CAMSAP3: variants seen among roughly 807,000 people sequenced by gnomAD.
CAMSAP3 encodes calmodulin-regulated spectrin-associated protein 3.
CAMSAP3 carries 34 observed loss-of-function variants against 112.5 expected under a neutral mutation model. That is an observed-to-expected ratio of 0.30 (90% CI 0.23 to 0.40). The LOEUF is 0.40. Ranked by LOEUF, CAMSAP3 falls within the 10% of genes least tolerant of loss-of-function variation. The pLI, the probability that CAMSAP3 is intolerant of heterozygous loss-of-function variation, is 1.00. For missense variants in CAMSAP3, 1,602 were observed against 1,770.3 expected, an observed-to-expected ratio of 0.90 and a Z score of 1.71; for synonymous variants, 868 against 799.8, an observed-to-expected ratio of 1.09 and a Z score of -1.44.
At chr19:7,608,013 C>T in intron 4 of CAMSAP3, 113 bp from the exon 5 acceptor site, 1 of 1,352,616 alleles carries the variant, frequency 7.4e-7, no homozygotes, top group Non-Finnish European at 1.0e-6. Flanking sequence ...CTCTGGGACC[C>T]CCAGCTTCCC....
chr19:7,616,883 T>C (rs1302621711), intron 14 of CAMSAP3, among the ~76,000 whole-genome samples: 2 of 149,244 alleles, frequency 1.3e-5, no homozygotes, highest in East Asian at 2.0e-4. Flanking sequence ...CTGCATGGAC[T>C]TGGGAGGGTG....
chr19:7,618,074 C>T lies in CAMSAP3; in HGVS notation c.*17C>T. On this transcript the variant is annotated 3_prime_UTR_variant, in exon 17 of 17. Transcript: ENST00000160298. ...CCCAAATAGCCCCACCCGGGCGGTCCACGGGCCGGGCCCTGTGTGCTGCGG... is the reference window on the plus strand; with the variant it reads ...CCCAAATAGCCCCACCCGGGCGGTCTACGGGCCGGGCCCTGTGTGCTGCGG... 1 of 1,603,998 alleles carries T rather than the reference C, an allele frequency of 6.2e-7. No homozygotes were observed. Among genetic ancestry groups the T allele is most frequent in the Non-Finnish European group, 8.5e-7 (1 of 1,175,974 alleles).
In CAMSAP3 at chr19:7,612,994, C is replaced by G. The variant is rs751015364; in HGVS notation, c.2501C>G (p.Pro834Arg). The change falls in exon 11 of 17, where the codon CCC becomes CGC. Residue 834 changes from proline (P) to arginine (R), a missense_variant. Transcript: ENST00000160298. The part of the protein sequence containing the change: ...SSILLAEETP[P>R]EEPAARPGLI... ...ATCCTCCTGGCGGAGGAGACGCCCC[C>G]CGAGGAGCCAGCCGCCCGGCCGGGC... The G allele has an allele frequency of 2.0e-5, 32 of 1,580,840 alleles. No homozygotes were observed. In the South Asian group the frequency reaches 2.2e-4, roughly 11 times the overall value.
Position 7,611,671 on chromosome 19 carries a change from C to A in CAMSAP3, c.1194-16C>A. The A allele has an allele frequency of 6.4e-7, 1 of 1,567,096 alleles. No individual in the cohort carries two copies. The highest frequency in any genetic ancestry group is 8.7e-7 in the Non-Finnish European group (1 of 1,153,342). On this transcript the variant is annotated splice_polypyrimidine_tract_variant and intron_variant, in intron 10 of 16. Coordinates refer to ENST00000160298, the MANE Select transcript of CAMSAP3 (RefSeq NM_020902.2). The surrounding 1 kb of genome is among the most constrained non-coding windows in gnomAD (Gnocchi z 6.9). ...AGGCTGGTCCCAGGGGCTGACCCCT[C>A]CCTCCGGCCGCCCAGCCGTCCCCTC...
intron 4 of CAMSAP3, 147 bp downstream of exon 4, chr19:7,606,718 G>A: frequency 4.3e-6 from 7 of 1,610,066 alleles, no homozygotes; most frequent in Non-Finnish European, 5.1e-6. Flanking sequence ...ATCTCTCTGT[G>A]CCCTGCCCGT....
At position 7,610,471 on chromosome 19, in the gene CAMSAP3, C is replaced by T. The variant is rs1391477596; in HGVS notation, c.761-5C>T. The T allele has an allele frequency of 4.4e-6, 7 of 1,608,318 alleles. No individual in the cohort carries two copies. Among genetic ancestry groups the T allele is most frequent in the African/African-American group, 2.7e-5 (2 of 74,900 alleles). ...GTTGGGGACCCACTCCTCCTGTCCC[C>T]ACAGAGGTGTGCTTGAAGGACCCCA... On this transcript the variant is annotated splice_polypyrimidine_tract_variant and splice_region_variant and intron_variant, in intron 5 of 16. Coordinates refer to ENST00000160298, the MANE Select transcript of CAMSAP3 (RefSeq NM_020902.2). This position sits in a 1 kb window ranked among gnomAD's most constrained non-coding sequence, Gnocchi z 4.9.
In CAMSAP3 at chr19:7,605,298, T is replaced by C; in HGVS notation, c.221T>C (p.Val74Ala). The C allele has an allele frequency of 1.2e-6, 2 of 1,610,848 alleles. No homozygotes were observed. Among genetic ancestry groups the C allele is most frequent in the Non-Finnish European group, 1.7e-6 (2 of 1,178,746 alleles). Reference protein sequence around the residue: ...QYAQEHVKPPVTRLLLSAELY... With the variant: ...QYAQEHVKPPATRLLLSAELY... ...GCGCAGGAGCATGTGAAGCCCCCGG[T>C]GACACGGCTGCTGCTCTCAGCCGAG... Residue 74 changes from valine to alanine, a missense_variant, in exon 2 of 17, where the codon GTG becomes GCG. Val to Ala is a moderately conservative substitution (Grantham distance 64). This residue lies in a region of CAMSAP3 where 147 missense variants were observed against 144.6 expected (regional missense o/e 1.02). Transcript: ENST00000160298.
chr19:7,603,325 C>T (rs2030054853), intron 1 of CAMSAP3, among the ~76,000 whole-genome samples: 3 of 151,894 alleles, frequency 2.0e-5, no homozygotes, highest in Admixed American at 1.3e-4. Flanking sequence ...AGCGATTCTC[C>T]GGCCTCGGCT....
At position 7,605,511 on chromosome 19, in the gene CAMSAP3, C is replaced by G. The variant is rs556813445; in HGVS notation, c.402+32C>G. The G allele has an allele frequency of 6.9e-6, 10 of 1,438,924 alleles. No homozygotes were observed. In the African/African-American group the frequency reaches 1.2e-4, roughly 17 times the overall value. The allele number at this position is 1,438,924 out of a possible 1,614,324, so 89.1% of individuals were successfully genotyped here. On this transcript the variant is annotated intron_variant, in intron 2 of 16. Transcript: ENST00000160298. The stretch of plus-strand genomic sequence containing the variant: ...CCCGCCACTGCCTGTTAGACCACGC[C>G]TACCATGCTCAGCTCCTCCCCTCAA...
rs1297668206 is a variant in CAMSAP3 at position 7,615,754 on chromosome 19, C to T, written c.3112+35C>T. ...CTTGGGGGACGGGGCCTGCCCAGTG[C>T]CCTTTCCGGGGCTCACTGGGTGAGG... is the stretch of plus-strand genomic sequence containing the variant. On this transcript the variant is annotated intron_variant, in intron 13 of 16. Transcript: ENST00000160298. The surrounding 1 kb of genome is among the most constrained non-coding windows in gnomAD (Gnocchi z 6.5). 1 of 1,349,812 alleles carries T rather than the reference C, an allele frequency of 7.4e-7. No homozygotes were observed. The highest frequency in any genetic ancestry group is 1.5e-5 in the African/African-American group (1 of 64,694). The allele number at this position is 1,349,812 out of a possible 1,614,324, so 83.6% of individuals were successfully genotyped here.
chr19:7,616,449 C>A (rs541051852), intron 13 of CAMSAP3, 74 bp from the exon 14 acceptor site: 3 of 1,085,468 alleles, frequency 2.8e-6, no homozygotes, highest in Non-Finnish European at 2.8e-6. Context: ...GTGTTCCCCC[C>A]ACAGCCTGCT....
chr19:7,606,826 GT>G (rs1346993872), intron 4 of CAMSAP3: 1 of 1,613,536 alleles, frequency 6.2e-7, no homozygotes, highest in Admixed American at 1.7e-5. Context: ...GGGGCTGTCT[GT>G]CCGCCCCGTC....
At chr19:7,598,701 T>C (rs891452851) in intron 1 of CAMSAP3, among the ~76,000 whole-genome samples, 1 of 151,984 alleles carries the variant, frequency 6.6e-6, no homozygotes, top group African/African-American at 2.4e-5. Flanking sequence ...GGCAGGAGAA[T>C]TGTTGAACCT....
chr19:7,615,101 G>C lies in CAMSAP3; in HGVS notation c.2671-82G>C, dbSNP rs965863397. The C allele has an allele frequency of 1.3e-6, 2 of 1,505,982 alleles. No individual in the cohort carries two copies. Among genetic ancestry groups the C allele is most frequent in the African/African-American group, 1.4e-5 (1 of 72,170 alleles). 93.3% of individuals were successfully genotyped at this position (1,505,982 alleles called of 1,614,324 possible). ...GAAAACAAAAGCACAGGTGGGTGGC[G>C]GGCAGGCTGGGTGGAGGGAAGATGG... On this transcript the variant is annotated intron_variant, in intron 11 of 16. Coordinates refer to ENST00000160298, the MANE Select transcript of CAMSAP3 (RefSeq NM_020902.2). The surrounding 1 kb of genome is among the most constrained non-coding windows in gnomAD (Gnocchi z 6.5).
At chr19:7,609,485 C>T (rs769432200) in intron 5 of CAMSAP3, among the ~76,000 whole-genome samples, 3 of 151,836 alleles carry the variant, frequency 2.0e-5, no homozygotes, top group Admixed American at 6.6e-5. Context: ...GAGCTGAGGT[C>T]TTGGGGGAGA....
chr19:7,603,806 G>A lies in CAMSAP3; in HGVS notation c.149-1420G>A, dbSNP rs113451706. On this transcript the variant is annotated intron_variant, in intron 1 of 16. Coordinates refer to ENST00000160298, the MANE Select transcript of CAMSAP3 (RefSeq NM_020902.2). ...TCAGGTTGCAGTGAGCCATGATCGT[G>A]CCACTGCACTCCAGCAAAAACTCAA... Among the ~76,000 whole-genome samples, 1,169 of 152,046 alleles carry A rather than the reference G, an allele frequency of 7.7e-3. 19 individuals carry two copies. Among genetic ancestry groups the A allele is most frequent in the African/African-American group, 0.027 (1,116 of 41,466 alleles).
At position 7,617,469 on chromosome 19, in the gene CAMSAP3, CA is replaced by C. The variant is rs778585517; in HGVS notation, c.3325+33del. The C allele has an allele frequency of 5.6e-6, 9 of 1,606,666 alleles. No individual in the cohort carries two copies. Among genetic ancestry groups the C allele is most frequent in the Middle Eastern group, 1.6e-4 (1 of 6,070 alleles). On this transcript the variant is annotated intron_variant, in intron 15 of 16. Transcript: ENST00000160298. The surrounding 1 kb of genome is among the most constrained non-coding windows in gnomAD (Gnocchi z 7.5). ...CAGGGGCTCTGGGTGATGTGAGGAG[CA>C]ACAGGCACCCTCCTCCACAGCCCCT...
chr19:7,609,023 TAAAAA>T (rs964073039), intron 5 of CAMSAP3, among the ~76,000 whole-genome samples: 2 of 149,518 alleles, frequency 1.3e-5, no homozygotes, highest in East Asian at 3.9e-4. Context: ...TCTTTTTTAT[TAAAAA>T]AAAAATTATA....
At position 7,608,109 on chromosome 19, in the gene CAMSAP3, C is replaced by T; in HGVS notation, c.622-17C>T. On this transcript the variant is annotated splice_polypyrimidine_tract_variant and intron_variant, in intron 4 of 16. Coordinates refer to ENST00000160298, the MANE Select transcript of CAMSAP3 (RefSeq NM_020902.2). ...GGGCCAGCCTGGCCACTCACCTGAC[C>T]TGGCTCCCATCTGCAGATCCGATAC... is the stretch of plus-strand genomic sequence containing the variant. The T allele has an allele frequency of 6.2e-7, 1 of 1,607,974 alleles. No individual in the cohort carries two copies. The highest frequency in any genetic ancestry group is 8.5e-7 in the Non-Finnish European group (1 of 1,177,694).
Sources: gnomAD v4.1 joint callset for allele counts (sites outside exome capture counted in the v4.1 genomes callset) on GRCh38, gnomAD v4.1.1 for gene constraint, gnomAD v4.1.1 regional missense constraint, Gnocchi (gnomAD v3.1) non-coding constraint, MANE v1.5 for transcripts, NCBI Gene and HGNC (gene_info 2026-07-23, HGNC 2026-07-21) for gene names.